The following PHLDB2 variants were observed in gnomAD, a reference collection of about 807,000 sequenced individuals.
The protein encoded by PHLDB2 is pleckstrin homology like domain family B member 2.
A neutral mutation model predicts 123.6 loss-of-function variants in PHLDB2; 71 were observed. The observed-to-expected ratio is 0.57, with a 90% CI of 0.47 to 0.70. The LOEUF (loss-of-function observed/expected upper bound fraction) is 0.70, where lower values mean the gene tolerates loss of function less well. PHLDB2 is among the 30% of genes least tolerant of loss of function. PHLDB2 has a pLI of 0.00. For missense variants in PHLDB2, 1,446 were observed against 1,519.5 expected (o/e 0.95, Z 0.80); for synonymous variants, 547 against 541.6 (o/e 1.01, Z -0.14).
chr3:111,873,785 A>AT (rs910185019), intron 1 of PHLDB2, among the ~76,000 whole-genome samples: 16 of 151,916 alleles, frequency 1.1e-4, no homozygotes, highest in Non-Finnish European at 1.5e-4. Context: ...AACATCTCAG[A>AT]TTTTTTTTGT....
At chr3:111,792,258 G>A (rs1390394563) in intron 1 of PHLDB2, among the ~76,000 whole-genome samples, 1 of 152,058 alleles carries the variant, frequency 6.6e-6, no homozygotes, top group East Asian at 1.9e-4. Context: ...CCTCATTTCT[G>A]AAAGAATCAT....
chr3:111,961,622 C>T (rs4682068), intron 12 of PHLDB2, among the ~76,000 whole-genome samples: 34,490 of 152,058 alleles, frequency 0.23, 4,258 homozygotes, highest in Middle Eastern at 0.34. Context: ...ATATGAGATA[C>T]GAGTTTCTGA....
chr3:111,805,082 A>G (rs1198285598), intron 1 of PHLDB2, among the ~76,000 whole-genome samples: 2 of 152,206 alleles, frequency 1.3e-5, no homozygotes, highest in East Asian at 3.8e-4. Flanking sequence ...CAATTTCTTA[A>G]CACGTTAAAC....
At chr3:111,910,250 T>C (rs1298203067) in intron 2 of PHLDB2, among the ~76,000 whole-genome samples, 1 of 152,154 alleles carries the variant, frequency 6.6e-6, no homozygotes, top group Admixed American at 6.5e-5. Flanking sequence ...GAGATCAAGA[T>C]GAAGAAAAGG....
At chr3:111,854,949 A>T (rs1211251990), upstream of PHLDB2, among the ~76,000 whole-genome samples, 3 of 152,238 alleles carry the variant, frequency 2.0e-5, no homozygotes, top group Non-Finnish European at 4.4e-5. Context: ...ATGCTCTGTG[A>T]ATCTGCCCAT....
chr3:111,968,602 T>C (rs1341204116), intron 15 of PHLDB2, among the ~76,000 whole-genome samples: 1 of 152,210 alleles, frequency 6.6e-6, no homozygotes, highest in Non-Finnish European at 1.5e-5. Flanking sequence ...AAAGATACCA[T>C]TACTTTTATT....
At chr3:111,868,106 C>T (rs994150185) in intron 1 of PHLDB2, among the ~76,000 whole-genome samples, 2 of 152,026 alleles carry the variant, frequency 1.3e-5, no homozygotes, top group Non-Finnish European at 2.9e-5. Flanking sequence ...CTCAAGTGAT[C>T]CCCCTGCCTC....
upstream of PHLDB2, among the ~76,000 whole-genome samples, chr3:111,855,736 T>G (rs1270494491): frequency 6.6e-6 from 1 of 150,384 alleles, no homozygotes; most frequent in Non-Finnish European, 1.5e-5. Flanking sequence ...CTCAGGTGAT[T>G]CTCCCACCTC....
chr3:111,740,708 CCCT>C (rs5851781), intron 1 of PHLDB2, among the ~76,000 whole-genome samples: 87,324 of 151,402 alleles, frequency 0.58, 26,156 homozygotes, highest in African/African-American at 0.75. Flanking sequence ...CCAAAAGTCA[CCCT>C]TGGCTTGCCC....
intron 2 of PHLDB2, among the ~76,000 whole-genome samples, chr3:111,888,632 TAGTACTGCC>T (rs1264170490): frequency 1.3e-5 from 2 of 152,184 alleles, no homozygotes; most frequent in Non-Finnish European, 2.9e-5. Flanking sequence ...GTGGGCAGAT[TAGTACTGCC>T]TTTTACAAGC....
chr3:111,761,773 T>A (rs2059999203), intron 1 of PHLDB2, among the ~76,000 whole-genome samples: 1 of 152,164 alleles, frequency 6.6e-6, no homozygotes, highest in Non-Finnish European at 1.5e-5. Flanking sequence ...TACCACACCA[T>A]AAGACCCACT....
chr3:111,840,081 C>A (rs2063613158), intron 1 of PHLDB2, among the ~76,000 whole-genome samples: 1 of 149,910 alleles, frequency 6.7e-6, no homozygotes, highest in African/African-American at 2.5e-5. Flanking sequence ...GGCCCCATTT[C>A]TAACAAATCA....
rs1379056289 is a variant in PHLDB2 at position 111,830,963 on chromosome 3, A to AAG, written c.-48-14856_-48-14855dup. Among the ~76,000 whole-genome samples, 44 of 28,874 alleles carry AAG rather than the reference A, an allele frequency of 1.5e-3. 1 individual carries two copies. Among genetic ancestry groups the AAG allele is most frequent in the African/African-American group, 7.2e-3 (43 of 5,932 alleles). The allele number at this position is 28,874 out of a possible 152,430, so 18.9% of individuals were successfully genotyped here. On this transcript the variant is annotated intron_variant, in intron 1 of 17. Transcript: ENST00000393923. ...AGAAGGAAAGAAAGAAAGAGAAAGA[A>AAG]AGAAAGAAAGAAAGAAAGAAAGAAA... is the stretch of plus-strand genomic sequence containing the variant.
chr3:111,967,656 C>T, intron 14 of PHLDB2, 22 bp from the exon 15 acceptor site: 1 of 1,541,740 alleles, frequency 6.5e-7, no homozygotes, highest in Non-Finnish European at 8.7e-7. Context: ...TTAAAATAAT[C>T]ATTGTTATGC....
chr3:111,856,156 T>G (rs2064498080), upstream of PHLDB2, among the ~76,000 whole-genome samples: 1 of 152,202 alleles, frequency 6.6e-6, no homozygotes, highest in Non-Finnish European at 1.5e-5. Context: ...ATGACTCCCT[T>G]TGCCTTCTAG....
intron 1 of PHLDB2, among the ~76,000 whole-genome samples, chr3:111,810,226 A>ATATGTGT (rs1384601542): frequency 5.3e-5 from 8 of 152,178 alleles, no homozygotes; most frequent in Non-Finnish European, 1.0e-4. Flanking sequence ...GAGATAGGAA[A>ATATGTGT]TATGTGTTCC....
At chr3:111,797,313 G>C (rs540016398) in intron 1 of PHLDB2, among the ~76,000 whole-genome samples, 2 of 152,214 alleles carry the variant, frequency 1.3e-5, no homozygotes, top group Non-Finnish European at 2.9e-5. Flanking sequence ...AAAGAAAGAT[G>C]TGGAACTTTG....
chr3:111,884,175 A>G lies in PHLDB2; in HGVS notation c.98A>G (p.Asn33Ser). ...VVHSVENDSQ[N>S]MMESLSPKKY... Reference sequence around the variant, plus strand: ...CATTCTGTTGAGAACGATTCCCAAAACATGATGGAGAGCCTCAGCCCAAAG... The same window carrying G: ...CATTCTGTTGAGAACGATTCCCAAAGCATGATGGAGAGCCTCAGCCCAAAG... Residue 33 changes from asparagine to serine, a missense_variant, in exon 2 of 18, where the codon AAC (asparagine) becomes AGC (serine). This residue lies in a region of PHLDB2 where 832 missense variants were observed against 831.9 expected (regional missense o/e 1.00). Coordinates refer to ENST00000431670, the MANE Select transcript of PHLDB2 (RefSeq NM_001134438.2). 2 of 1,614,174 alleles carry G rather than the reference A, an allele frequency of 1.2e-6. No homozygotes were observed. Among genetic ancestry groups the G allele is most frequent in the Non-Finnish European group, 1.7e-6 (2 of 1,180,010 alleles).
At chr3:111,966,858 G>A (rs575852552) in intron 14 of PHLDB2, among the ~76,000 whole-genome samples, 155 bp downstream of exon 14, 6 of 151,978 alleles carry the variant, frequency 3.9e-5, no homozygotes, top group African/African-American at 4.8e-5. Context: ...AAAAATAAAG[G>A]TGTTAGATGA....
Sources: gnomAD v4.1 joint callset for allele counts (sites outside exome capture counted in the v4.1 genomes callset) on GRCh38, gnomAD v4.1.1 for gene constraint, gnomAD v4.1.1 regional missense constraint, MANE v1.5 for transcripts, NCBI Gene and HGNC (gene_info 2026-07-23, HGNC 2026-07-21) for gene names.